The following CSMD1 variants were observed in gnomAD, a reference collection of about 807,000 sequenced individuals.
The protein encoded by CSMD1 is CUB and sushi domain-containing protein 1.
A neutral mutation model predicts 417.5 loss-of-function variants in CSMD1; 213 were observed. That is an observed-to-expected ratio of 0.51 (90% confidence interval 0.46 to 0.57). CSMD1 has a LOEUF of 0.57. Ranked by LOEUF, CSMD1 falls within the 20% of genes least tolerant of loss-of-function variation. CSMD1 has a pLI of 0.00. For synonymous variants in CSMD1, 2,862 were observed against 1,736.8 expected, an observed-to-expected ratio of 1.65 and a Z score of -16.11; for missense variants, 6,923 against 4,529.7, an observed-to-expected ratio of 1.53 and a Z score of -15.17.
intron 3 of CSMD1, among the ~76,000 whole-genome samples, chr8:4,090,341 T>A (rs1472460098): frequency 1.3e-5 from 2 of 152,222 alleles, no homozygotes; most frequent in East Asian, 1.9e-4. Context: ...CATGAGTCAT[T>A]ATCTATCATG....
intron 2 of CSMD1, among the ~76,000 whole-genome samples, chr8:4,552,250 A>G (rs1458074431): frequency 6.6e-6 from 1 of 152,070 alleles, no homozygotes; most frequent in East Asian, 1.9e-4. Context: ...TTAGTAACTC[A>G]TCTGCTGTGT....
intron 3 of CSMD1, among the ~76,000 whole-genome samples, chr8:4,330,809 A>G (rs1799827992): frequency 1.3e-5 from 2 of 151,992 alleles, no homozygotes; most frequent in South Asian, 4.1e-4. Context: ...CTTCTGAAGC[A>G]CTGTTCATTC....
chr8:4,032,815 C>A (rs931007533), intron 3 of CSMD1, among the ~76,000 whole-genome samples: 1 of 152,146 alleles, frequency 6.6e-6, no homozygotes, highest in Non-Finnish European at 1.5e-5. Flanking sequence ...GGCCGTCAAC[C>A]ATCTGAATGG....
chr8:4,981,838 G>A (rs1436672621), intron 1 of CSMD1, among the ~76,000 whole-genome samples: 1 of 152,124 alleles, frequency 6.6e-6, no homozygotes, highest in Admixed American at 6.5e-5. Context: ...ACAGGATTAT[G>A]TGATTACATA....
At chr8:4,619,254 T>C (rs1801640206) in intron 2 of CSMD1, among the ~76,000 whole-genome samples, 1 of 152,156 alleles carries the variant, frequency 6.6e-6, no homozygotes, top group South Asian at 2.1e-4. Flanking sequence ...TTACATGTTG[T>C]TATGTTTAAA....
chr8:4,570,520 G>T (rs146841475), intron 2 of CSMD1, among the ~76,000 whole-genome samples: 7 of 152,286 alleles, frequency 4.6e-5, no homozygotes, highest in Non-Finnish European at 7.3e-5. Flanking sequence ...ATGATGTGCT[G>T]CTGGATTTGA....
At chr8:2,955,204 T>C (rs945436303) in intron 64 of CSMD1, among the ~76,000 whole-genome samples, 2 of 152,256 alleles carry the variant, frequency 1.3e-5, no homozygotes, top group Non-Finnish European at 2.9e-5. Context: ...TATTCTCGGA[T>C]ACTTGGTGAC....
intron 3 of CSMD1, among the ~76,000 whole-genome samples, chr8:4,181,958 G>GTGTC (rs1554484234): frequency 1.5e-4 from 1 of 6,752 alleles, no homozygotes. Flanking sequence ...CTGTGTCTGC[G>GTGTC]TGTGTGTGTG....
At chr8:3,340,226 C>A (rs965772560) in intron 23 of CSMD1, among the ~76,000 whole-genome samples, 1 of 152,162 alleles carries the variant, frequency 6.6e-6, no homozygotes, top group Non-Finnish European at 1.5e-5. Context: ...ACTAAAATAT[C>A]TGAAGACTCG....
intron 23 of CSMD1, among the ~76,000 whole-genome samples, chr8:3,308,964 A>G (rs1443211849): frequency 6.6e-6 from 1 of 151,904 alleles, no homozygotes; most frequent in Non-Finnish European, 1.5e-5. Flanking sequence ...ACTTCAGGCA[A>G]TCCACCCCCT....
chr8:3,078,064 C>G (rs1279698080), intron 49 of CSMD1, among the ~76,000 whole-genome samples: 2 of 152,138 alleles, frequency 1.3e-5, no homozygotes, highest in Non-Finnish European at 2.9e-5. Context: ...TTTCTCAACG[C>G]GAAGCACATT....
chr8:4,570,853 T>C (rs1177688706), intron 2 of CSMD1, among the ~76,000 whole-genome samples: 1 of 152,240 alleles, frequency 6.6e-6, no homozygotes, highest in Non-Finnish European at 1.5e-5. Flanking sequence ...ATTCGGCTTC[T>C]TCCTGGTTTA....
intron 5 of CSMD1, among the ~76,000 whole-genome samples, chr8:3,886,778 T>A (rs557078867): frequency 1.3e-5 from 2 of 152,144 alleles, no homozygotes; most frequent in Non-Finnish European, 2.9e-5. Flanking sequence ...TAGGGACAGA[T>A]ATACTGCCAA....
chr8:3,787,297 G>C (rs1460750337), intron 5 of CSMD1, among the ~76,000 whole-genome samples: 5 of 152,102 alleles, frequency 3.3e-5, no homozygotes, highest in African/African-American at 7.2e-5. Context: ...TTAGAAAATT[G>C]ATTTCATGGA....
intron 10 of CSMD1, among the ~76,000 whole-genome samples, chr8:3,499,740 G>A (rs1330510092): frequency 6.6e-6 from 1 of 152,020 alleles, no homozygotes; most frequent in Non-Finnish European, 1.5e-5. Context: ...GTCACTGAGT[G>A]CAGCTGGGGT....
At chr8:3,511,514 G>T (rs1585280044) in intron 10 of CSMD1, among the ~76,000 whole-genome samples, 1 of 151,670 alleles carries the variant, frequency 6.6e-6, no homozygotes, top group Admixed American at 6.6e-5. Flanking sequence ...CTGCACTTTG[G>T]GAGGCCGAGG....
intron 7 of CSMD1, among the ~76,000 whole-genome samples, chr8:3,686,355 C>T (rs1250803103): frequency 6.6e-6 from 1 of 152,142 alleles, no homozygotes; most frequent in African/African-American, 2.4e-5. Flanking sequence ...CTTGTCTTCA[C>T]TTTTCTAGGA....
At chr8:3,745,011 G>C (rs1796998184) in intron 6 of CSMD1, among the ~76,000 whole-genome samples, 1 of 152,156 alleles carries the variant, frequency 6.6e-6, no homozygotes, top group African/African-American at 2.4e-5. Context: ...AGGCTCTTAG[G>C]ATTCTCCGGG....
At chr8:3,321,519 C>G (rs1806154719) in intron 23 of CSMD1, among the ~76,000 whole-genome samples, 1 of 152,156 alleles carries the variant, frequency 6.6e-6, no homozygotes, top group South Asian at 2.1e-4. Flanking sequence ...TTCCAAGTTT[C>G]CCCATGCAAA....
Sources: allele counts gnomAD v4.1 joint callset (sites outside exome capture counted in the v4.1 genomes callset), GRCh38; gene constraint gnomAD v4.1.1; transcripts MANE v1.5; gene names NCBI Gene and HGNC (gene_info 2026-07-23, HGNC 2026-07-21).